Variants in STX16 observed in about 807,000 individuals in gnomAD.
The protein encoded by STX16 is syntaxin 16.
Under a neutral mutation model 42.7 loss-of-function variants are expected in STX16, and 28 were observed. The ratio of observed to expected loss-of-function variants is 0.66; its 90% confidence interval spans 0.49 to 0.90. The LOEUF is 0.90. STX16 is among the 40% of genes least tolerant of loss of function. STX16 has a pLI of 0.00. For synonymous variants in STX16, 156 were observed against 155.2 expected (o/e 1.00, Z -0.04); for missense variants, 361 against 420.9 (o/e 0.86, Z 1.24).
rs180964010 is a variant in STX16, at chr20:58,677,211, C to G, written c.*920C>G. The G allele has an allele frequency of 2.0e-5, 3 of 152,734 alleles. No homozygotes were observed. Among genetic ancestry groups the G allele is most frequent in the East Asian group, 3.9e-4 (2 of 5,192 alleles). 9.5% of individuals were successfully genotyped at this position (152,734 alleles called of 1,614,324 possible). A position where few individuals can be genotyped will look rare whatever the true frequency, so the allele number is the denominator to read the frequency against. On this transcript the variant is annotated 3_prime_UTR_variant, in exon 9 of 9. Transcript: ENST00000371141. ...CTAACTACATAATGACCTGTTCAAA[C>G]CAGACTCTATTTAATGAACTGTGAA...
rs567376193 is a variant in STX16, at chr20:58,676,564, A to AT, written c.*281dup. ...AGTTCTGGGATCAGTTATAATATAT[A>AT]TTTTTTTTAGAAAGAGAAAATGAGC... On this transcript the variant is annotated 3_prime_UTR_variant, in exon 9 of 9. Coordinates refer to ENST00000371141, the MANE Select transcript of STX16 (RefSeq NM_001001433.3). 2.1e-3 allele frequency: 653 copies of AT among 308,868 alleles called. 5 individuals are homozygous for AT. The highest frequency in any genetic ancestry group is 0.013 in the African/African-American group (606 of 46,272). 19.1% of individuals were successfully genotyped at this position (308,868 alleles called of 1,614,324 possible). A position where few individuals can be genotyped will look rare whatever the true frequency, so the allele number is the denominator to read the frequency against.
chr20:58,652,478 T>C (rs1480056369), intron 1 of STX16, among the ~76,000 whole-genome samples: 1 of 149,706 alleles, frequency 6.7e-6, no homozygotes, highest in African/African-American at 2.4e-5. Flanking sequence ...TTCTGAAGCC[T>C]TTTTGTTTCG....
chr20:58,656,836 T>C (rs184484544), intron 1 of STX16, among the ~76,000 whole-genome samples: 46 of 152,296 alleles, frequency 3.0e-4, no homozygotes, highest in African/African-American at 1.1e-3. Flanking sequence ...ACTTTGTGCC[T>C]GGCTCTGGGC....
At position 58,676,338 on chromosome 20, in the gene STX16, G is replaced by C. The variant is rs758147427; in HGVS notation, c.*47G>C. On this transcript the variant is annotated 3_prime_UTR_variant, in exon 9 of 9. Coordinates refer to ENST00000371141, the MANE Select transcript of STX16 (RefSeq NM_001001433.3). ...TGCCGCGCGTGTGGATCTCCCGGGT[G>C]TGAGGGGCTTGGCCTGCGCCCCGCC... is the stretch of plus-strand genomic sequence containing the variant. The C allele has an allele frequency of 6.4e-6, 10 of 1,551,130 alleles. No homozygotes were observed. Among genetic ancestry groups the C allele is most frequent in the Non-Finnish European group, 8.9e-6 (10 of 1,124,234 alleles).
At position 58,668,094 on chromosome 20, in the gene STX16, T is replaced by C. The variant is rs148962992; in HGVS notation, c.360T>C (p.His120=). The change falls in exon 4 of 9, where the codon CAT becomes CAC. Residue 120 remains histidine (H), a synonymous_variant. Coordinates refer to ENST00000371141, the MANE Select transcript of STX16 (RefSeq NM_001001433.3). ...PTLDDSSEEE[H]AIEITTQEIT... ...TGGATGACAGCAGCGAAGAGGAACA[T>C]GCCATTGAGATAACTACCCAAGAGA... The C allele has an allele frequency of 3.2e-4, 519 of 1,614,134 alleles. No homozygotes were observed. The highest frequency in any genetic ancestry group is 4.1e-4 in the Non-Finnish European group (488 of 1,180,050).
At chr20:58,671,763 G>A (rs2083983654) in intron 7 of STX16, among the ~76,000 whole-genome samples, 1 of 152,080 alleles carries the variant, frequency 6.6e-6, no homozygotes, top group Non-Finnish European at 1.5e-5. Flanking sequence ...GATTAAATGA[G>A]AGGAATGCAA....
chr20:58,652,162 GAC>G (rs754963920), intron 1 of STX16, 24 bp downstream of exon 1: 1 of 1,612,312 alleles, frequency 6.2e-7, no homozygotes, highest in Non-Finnish European at 8.5e-7. Context: ...CGGCCTCTCC[GAC>G]ACACGGACCG....
chr20:58,652,861 G>A (rs938160853), intron 1 of STX16, among the ~76,000 whole-genome samples: 1 of 151,114 alleles, frequency 6.6e-6, no homozygotes, highest in East Asian at 1.9e-4. Flanking sequence ...CCGTAAAATA[G>A]CACTTTTTTT....
At chr20:58,669,148 G>A (rs889696685) in intron 4 of STX16, 143 bp from the exon 5 acceptor site, 10 of 822,618 alleles carry the variant, frequency 1.2e-5, no homozygotes, top group South Asian at 1.8e-5. Flanking sequence ...TGAAGCCACA[G>A]ATTCCTTTTA....
chr20:58,665,287 G>A (rs1167302859), intron 2 of STX16, among the ~76,000 whole-genome samples: 4 of 152,198 alleles, frequency 2.6e-5, no homozygotes, highest in Non-Finnish European at 2.9e-5. Context: ...CTCACTGGCG[G>A]CCTGTCCTAT....
chr20:58,668,748 T>C (rs922400446), intron 4 of STX16, among the ~76,000 whole-genome samples: 9 of 151,810 alleles, frequency 5.9e-5, no homozygotes, highest in African/African-American at 1.9e-4. Context: ...ATAATCATAG[T>C]ACCATCCTCA....
intron 2 of STX16, chr20:58,667,113 G>T: frequency 1.5e-5 from 4 of 274,624 alleles, no homozygotes; most frequent in South Asian, 3.6e-5. Flanking sequence ...AAGAATCATT[G>T]AGGTTCATGC....
intron 8 of STX16, among the ~76,000 whole-genome samples, chr20:58,675,669 T>G (rs1282683279): frequency 6.6e-6 from 1 of 152,196 alleles, no homozygotes; most frequent in African/African-American, 2.4e-5. Flanking sequence ...TGTTTTTATT[T>G]CAAAGGATGA....
rs140091329 is a variant in STX16 at position 58,667,124 on chromosome 20, C to T, written c.145-366C>T. 1.3e-4 allele frequency: 40 copies of T among 305,096 alleles called. No individual in the cohort carries two copies. In the East Asian group the frequency reaches 2.5e-3, roughly 19 times the overall value. 18.9% of individuals were successfully genotyped at this position (305,096 alleles called of 1,614,324 possible). On this transcript the variant is annotated intron_variant, in intron 2 of 8. Transcript: ENST00000371141. ...TCACAAGAATCATTGAGGTTCATGC[C>T]GTTCTATCACAGTACTAGTAGTAAG... is the stretch of plus-strand genomic sequence containing the variant.
intron 4 of STX16, 140 bp from the exon 5 acceptor site, chr20:58,669,151 T>C: frequency 1.2e-6 from 1 of 831,626 alleles, no homozygotes; most frequent in Non-Finnish European, 1.8e-6. Context: ...AGCCACAGAT[T>C]CCTTTTATCT....
chr20:58,669,174 C>G, intron 4 of STX16, 117 bp from the exon 5 acceptor site: 1 of 1,104,254 alleles, frequency 9.1e-7, no homozygotes, highest in Non-Finnish European at 1.3e-6. Flanking sequence ...TCACCTTTCT[C>G]TAAACCAGAC....
intron 6 of STX16, 37 bp from the exon 7 acceptor site, chr20:58,671,117 A>G: frequency 6.4e-7 from 1 of 1,560,226 alleles, no homozygotes; most frequent in Non-Finnish European, 8.7e-7. Context: ...TGAGAGGGAA[A>G]ACAATCTATC....
At position 58,676,578 on chromosome 20, in the gene STX16, G is replaced by C. The variant is rs188059584; in HGVS notation, c.*287G>C. ...TTATAATATATATTTTTTTTAGAAA[G>C]AGAAAATGAGCTGAGAGTTTACAGG... is the stretch of plus-strand genomic sequence containing the variant. On this transcript the variant is annotated 3_prime_UTR_variant, in exon 9 of 9. Coordinates refer to ENST00000371141, the MANE Select transcript of STX16 (RefSeq NM_001001433.3). 3.7e-6 allele frequency: 1 copy of C among 273,074 alleles called. No homozygotes were observed. Among genetic ancestry groups the C allele is most frequent in the African/African-American group, 2.2e-5 (1 of 45,352 alleles). 16.9% of individuals were successfully genotyped at this position (273,074 alleles called of 1,614,324 possible). A position where few individuals can be genotyped will look rare whatever the true frequency, so the allele number is the denominator to read the frequency against.
intron 1 of STX16, among the ~76,000 whole-genome samples, chr20:58,653,436 T>C (rs1461939660): frequency 6.6e-6 from 1 of 152,226 alleles, no homozygotes; most frequent in African/African-American, 2.4e-5. Flanking sequence ...AATAAAAGCA[T>C]GTAAACTCAG....
Sources: allele counts gnomAD v4.1 joint callset (sites outside exome capture counted in the v4.1 genomes callset), GRCh38; gene constraint gnomAD v4.1.1; transcripts MANE v1.5; gene names NCBI Gene and HGNC (gene_info 2026-07-23, HGNC 2026-07-21).